Variants in PREX1 observed in about 807,000 individuals in gnomAD.
PREX1 encodes phosphatidylinositol 3,4,5-trisphosphate-dependent Rac exchanger 1 protein.
In PREX1, 41 loss-of-function variants were observed where a neutral mutation model predicts 198.3. The observed-to-expected ratio is 0.21, with a 90% CI of 0.16 to 0.27. The LOEUF is 0.27. Among genes scored for constraint, PREX1 ranks in the 10% least tolerant of loss-of-function variants. The pLI is 1.00. For missense variants in PREX1, 1,620 were observed against 2,200.7 expected (o/e 0.74, Z 5.28); for synonymous variants, 843 against 887.2 (o/e 0.95, Z 0.89).
intron 22 of PREX1, 67 bp from the exon 23 acceptor site, chr20:48,651,122 C>T (rs1202212300): frequency 1.3e-6 from 2 of 1,569,618 alleles, no homozygotes; most frequent in Non-Finnish European, 8.7e-7. Flanking sequence ...GGTTCACCCA[C>T]AGTGACTCCT....
chr20:48,697,461 A>G (rs1601083123), intron 7 of PREX1, among the ~76,000 whole-genome samples: 1 of 151,258 alleles, frequency 6.6e-6, no homozygotes, highest in Admixed American at 6.6e-5. Flanking sequence ...GCTCACTGCA[A>G]CCTCCGCCTC....
chr20:48,804,744 G>A (rs946660542), intron 1 of PREX1, among the ~76,000 whole-genome samples: 4 of 152,228 alleles, frequency 2.6e-5, no homozygotes, highest in Non-Finnish European at 1.5e-5. Context: ...ACCCATGGGA[G>A]GTGAGAAGTG....
At chr20:48,637,591 G>T in intron 31 of PREX1, 120 bp downstream of exon 31, 2 of 1,037,996 alleles carry the variant, frequency 1.9e-6, no homozygotes, top group Non-Finnish European at 2.7e-6. Flanking sequence ...AGTAGCTCTT[G>T]GAGGGGCTCC....
At chr20:48,634,085 C>CGGATGGAT (rs144964956) in intron 33 of PREX1, among the ~76,000 whole-genome samples, 3 of 122,676 alleles carry the variant, frequency 2.4e-5, no homozygotes, top group Non-Finnish European at 5.2e-5. Context: ...GATGGATGGA[C>CGGATGGAT]GGATGGATGG....
At chr20:48,675,259 G>A (rs944680463) in intron 14 of PREX1, among the ~76,000 whole-genome samples, 6 of 152,172 alleles carry the variant, frequency 3.9e-5, no homozygotes, top group Admixed American at 1.3e-4. Context: ...CAGCAAGGCA[G>A]CATCTTGGAA....
intron 10 of PREX1, among the ~76,000 whole-genome samples, chr20:48,686,584 C>T (rs780960000): frequency 6.6e-6 from 1 of 152,072 alleles, no homozygotes; most frequent in Non-Finnish European, 1.5e-5. Flanking sequence ...CGGAAGCAGG[C>T]CCCTCCTGAG....
Position 48,804,830 on chromosome 20 carries a change from G to A in PREX1, c.219+22812C>T, listed in dbSNP as rs368940879. 8.4e-4 allele frequency among the ~76,000 whole-genome samples: 128 copies of A among 152,304 alleles called. 2 individuals carry two copies. In the South Asian group the frequency reaches 0.019, roughly 23 times the overall value. ...GGTTGGATGTGGGATGTAAGAGGAA[G>A]AGTGGCGTCAAGATGGCCCAAGGAG... On this transcript the variant is annotated intron_variant, in intron 1 of 39. Coordinates refer to ENST00000371941, the MANE Select transcript of PREX1 (RefSeq NM_020820.4).
chr20:48,790,880 G>A (rs559457427), intron 1 of PREX1, among the ~76,000 whole-genome samples: 2 of 152,198 alleles, frequency 1.3e-5, no homozygotes, highest in South Asian at 2.1e-4. Context: ...CCCAGCAGCA[G>A]CCACCCAGAT....
chr20:48,857,328 A>G, the PREX1 span, among the ~76,000 whole-genome samples: 1 of 152,222 alleles, frequency 6.6e-6, no homozygotes, highest in Non-Finnish European at 1.5e-5. Context: ...ATAAACCGGT[A>G]TAAGATAACA....
rs3746819 is a variant in PREX1, at chr20:48,691,396, A to G, written c.1037-300T>C. Among the ~76,000 whole-genome samples the G allele has an allele frequency of 0.067, 10,144 of 152,164 alleles. 395 individuals carry two copies. The highest frequency in any genetic ancestry group is 0.13 in the South Asian group (612 of 4,812). Reference sequence around the variant, plus strand: ...GGAGACACTTGCTTGGAGCCCCAAAATGCTTCCTGGGCTCCTCCCATCTCA... The same window carrying G: ...GGAGACACTTGCTTGGAGCCCCAAAGTGCTTCCTGGGCTCCTCCCATCTCA... On this transcript the variant is annotated intron_variant, in intron 8 of 39. Transcript: ENST00000371941. The surrounding 1 kb of genome is among the most constrained non-coding windows in gnomAD (Gnocchi z 5.0).
the PREX1 span, among the ~76,000 whole-genome samples, chr20:48,866,192 T>A: frequency 6.6e-6 from 1 of 152,126 alleles, no homozygotes; most frequent in African/African-American, 2.4e-5. Flanking sequence ...CCTCAAGGGA[T>A]CCTCTGGCTA....
intron 33 of PREX1, among the ~76,000 whole-genome samples, chr20:48,634,093 T>TGGATGGAC (rs879615518): frequency 0.21 from 30,141 of 146,604 alleles, 3,034 homozygotes; most frequent in South Asian, 0.24. Flanking sequence ...GACGGATGGA[T>TGGATGGAC]GGATGGATGC....
At chr20:48,670,977 C>T (rs543135713) in intron 14 of PREX1, among the ~76,000 whole-genome samples, 12 of 152,326 alleles carry the variant, frequency 7.9e-5, no homozygotes, top group Admixed American at 2.0e-4. Context: ...CAAGCCGTTC[C>T]GGAGCTGACA....
chr20:48,640,369 G>A (rs924782488), intron 29 of PREX1, among the ~76,000 whole-genome samples: 4 of 152,212 alleles, frequency 2.6e-5, no homozygotes, highest in South Asian at 2.1e-4. Flanking sequence ...CAGTGACAGC[G>A]CTGGGACTTA....
At chr20:48,687,456 G>T (rs1270016260) in intron 10 of PREX1, among the ~76,000 whole-genome samples, 7 of 152,188 alleles carry the variant, frequency 4.6e-5, no homozygotes. Context: ...CCAGAACACA[G>T]CCACTGCTCC....
chr20:48,760,587 C>T (rs1002641331), intron 1 of PREX1, among the ~76,000 whole-genome samples: 2 of 152,106 alleles, frequency 1.3e-5, no homozygotes, highest in Non-Finnish European at 2.9e-5. Flanking sequence ...TGCAGGTGAA[C>T]ACTTTGTAAC....
intron 1 of PREX1, among the ~76,000 whole-genome samples, chr20:48,807,556 C>T (rs2090417223): frequency 6.6e-6 from 1 of 152,176 alleles, no homozygotes; most frequent in Non-Finnish European, 1.5e-5. Context: ...ATCTTTGTAA[C>T]TTACATCTTT....
In PREX1 at chr20:48,684,526, T is replaced by C. The variant is rs190547209; in HGVS notation, c.1335-3191A>G. Among the ~76,000 whole-genome samples the C allele has an allele frequency of 1.6e-3, 250 of 152,310 alleles. 3 individuals carry two copies. In the Middle Eastern group the frequency reaches 0.024, roughly 15 times the overall value. On this transcript the variant is annotated intron_variant, in intron 10 of 39. Transcript: ENST00000371941. This position sits in a 1 kb window ranked among gnomAD's most constrained non-coding sequence, Gnocchi z 4.2. ...GAGCTTTCCCTCTGGCAGACGTCCATAACTGAACAGCATCTAATCTCTGCC... is the reference window on the plus strand; with the variant it reads ...GAGCTTTCCCTCTGGCAGACGTCCACAACTGAACAGCATCTAATCTCTGCC...
intron 3 of PREX1, among the ~76,000 whole-genome samples, chr20:48,735,403 C>T (rs1372656761): frequency 6.6e-6 from 1 of 152,126 alleles, no homozygotes; most frequent in Non-Finnish European, 1.5e-5. Flanking sequence ...AACAAGCCCC[C>T]AGATGGCCTT....
Sources: allele counts gnomAD v4.1 joint callset (sites outside exome capture counted in the v4.1 genomes callset), GRCh38; gene constraint gnomAD v4.1.1; non-coding constraint Gnocchi (gnomAD v3.1); transcripts MANE v1.5; gene names NCBI Gene and HGNC (gene_info 2026-07-23, HGNC 2026-07-21).